STS: variants seen among roughly 807,000 people sequenced by gnomAD.
The protein encoded by STS is steryl-sulfatase.
Under a neutral mutation model 26.8 loss-of-function variants are expected in STS, and 7 were observed. The ratio of observed to expected loss-of-function variants is 0.26; its 90% CI spans 0.15 to 0.49. The LOEUF is 0.49. Ranked by LOEUF, STS falls within the 20% of genes least tolerant of loss-of-function variation. The probability of loss-of-function intolerance (pLI) is 0.98; values close to 1 mark genes in which losing one functional copy is unlikely to be tolerated. For synonymous variants in STS, 199 were observed against 189.4 expected, an observed-to-expected ratio of 1.05 and a Z score of -0.42; for missense variants, 434 against 465.6, an observed-to-expected ratio of 0.93 and a Z score of 0.63.
intron 7 of STS, among the ~76,000 whole-genome samples, chrX:7,288,554 C>T (rs1394266762): frequency 5.4e-5 from 6 of 110,567 alleles, no homozygotes; most frequent in Non-Finnish European, 9.5e-5. Flanking sequence ...TATATGTATA[C>T]ACCCTTTCCC....
In STS at chrX:7,351,564, A is replaced by C. The variant is rs1206735557; in HGVS notation, c.*1303A>C. ...ATGTAAAGTGCAATCATTTCTTCAGATATAAGACTTTCCCCAACAATGTGA... is the reference window on the plus strand; with the variant it reads ...ATGTAAAGTGCAATCATTTCTTCAGCTATAAGACTTTCCCCAACAATGTGA... On this transcript the variant is annotated 3_prime_UTR_variant, in exon 11 of 11. Coordinates refer to ENST00000674429, the MANE Select transcript of STS (RefSeq NM_001320752.2). 2 of 111,868 alleles carry C rather than the reference A, an allele frequency of 1.8e-5. No homozygotes were observed. The highest frequency in any genetic ancestry group is 3.8e-5 in the Non-Finnish European group (2 of 53,176). 9.2% of individuals were successfully genotyped at this position (111,868 alleles called of 1,213,427 possible). A position where few individuals can be genotyped will look rare whatever the true frequency, so the allele number is the denominator to read the frequency against.
At chrX:7,325,297 G>C (rs1569227098) in intron 8 of STS, 42 bp from the exon 9 acceptor site, 3 of 1,199,074 alleles carry the variant, frequency 2.5e-6, no homozygotes, top group Non-Finnish European at 3.4e-6. Flanking sequence ...TGAAAGGATT[G>C]AAATCTCCCT....
intron 6 of STS, among the ~76,000 whole-genome samples, chrX:7,261,090 A>G (rs1326736701): frequency 9.0e-6 from 1 of 111,613 alleles, no homozygotes; most frequent in African/African-American, 3.3e-5. Context: ...TATGTCAAAA[A>G]CACTTGCTAT....
At chrX:7,215,629 G>C (rs1921278790) in intron 2 of STS, among the ~76,000 whole-genome samples, 1 of 111,447 alleles carries the variant, frequency 9.0e-6, no homozygotes, top group African/African-American at 3.3e-5. Context: ...TCCATAGGCT[G>C]TCTTGCCTTT....
At chrX:7,269,076 C>T (rs1486551743) in intron 6 of STS, among the ~76,000 whole-genome samples, 4 of 103,560 alleles carry the variant, frequency 3.9e-5, no homozygotes, top group African/African-American at 3.6e-5. Context: ...TCTTAAGCCC[C>T]GGAGTTGTAG....
Position 7,194,172 on chromosome X carries a change from C to T in STS, c.-5+3164C>T, listed in dbSNP as rs1317033302. Among the ~76,000 whole-genome samples, 3 of 110,958 alleles carry T rather than the reference C, an allele frequency of 2.7e-5. No homozygotes were observed. In the Admixed American group the frequency reaches 2.9e-4, roughly 11 times the overall value. On this transcript the variant is annotated intron_variant, in intron 2 of 10. Coordinates refer to ENST00000674429, the MANE Select transcript of STS (RefSeq NM_001320752.2). ...GCTGGGATTTTTAAGGACAGTTTGGCGGGCAAGAGGCTAGAGAATGGGAAA... is the reference window on the plus strand; with the variant it reads ...GCTGGGATTTTTAAGGACAGTTTGGTGGGCAAGAGGCTAGAGAATGGGAAA...
intron 2 of STS, among the ~76,000 whole-genome samples, chrX:7,239,934 G>T (rs1290696894): frequency 9.5e-6 from 1 of 104,795 alleles, no homozygotes; most frequent in Non-Finnish European, 1.9e-5. Context: ...ACCCAGGCTG[G>T]AGTGTTGTGT....
At chrX:7,154,033 C>T (rs1455347357) in intron 1 of STS, among the ~76,000 whole-genome samples, 1 of 110,580 alleles carries the variant, frequency 9.0e-6, no homozygotes, top group Non-Finnish European at 1.9e-5. Flanking sequence ...TTTCCTCTGG[C>T]GTAGCTCCCT....
In STS at chrX:7,325,446, G is replaced by A; in HGVS notation, c.1189G>A (p.Asp397Asn). ...QKIDEPTSNMDIFPTVAKLAG... is the reference protein window; with the variant it reads ...QKIDEPTSNMNIFPTVAKLAG... The stretch of plus-strand genomic sequence containing the variant: ...GATTGATGAGCCCACTAGCAACATG[G>A]ACATATTTCCTACAGTAGCCAAGCT... The change falls in exon 9 of 11, where the codon GAC (aspartate) becomes AAC (asparagine). Residue 397 changes from aspartate to asparagine, a missense_variant. Asp to Asn is a conservative substitution (Grantham distance 23). Coordinates refer to ENST00000674429, the MANE Select transcript of STS (RefSeq NM_001320752.2). The A allele has an allele frequency of 1.7e-6, 2 of 1,211,483 alleles. No individual in the cohort carries two copies. Among genetic ancestry groups the A allele is most frequent in the Non-Finnish European group, 2.2e-6 (2 of 895,368 alleles).
At chrX:7,221,037 C>T (rs895767447) in intron 2 of STS, among the ~76,000 whole-genome samples, 1 of 112,148 alleles carries the variant, frequency 8.9e-6, no homozygotes, top group African/African-American at 3.2e-5. Flanking sequence ...GTACACCAAA[C>T]TAGTATTAAC....
At chrX:7,151,371 A>C (rs972983264) in intron 1 of STS, among the ~76,000 whole-genome samples, 17 of 111,781 alleles carry the variant, frequency 1.5e-4, no homozygotes, top group African/African-American at 5.5e-4. Context: ...TACACAGTCT[A>C]CTTTTCTTGA....
At chrX:7,164,876 A>G (rs1338084725) in intron 1 of STS, among the ~76,000 whole-genome samples, 1 of 106,780 alleles carries the variant, frequency 9.4e-6, no homozygotes, top group African/African-American at 3.4e-5. Context: ...ACACAAAAAG[A>G]AGAGTCAGGT....
At chrX:7,291,839 A>G (rs1278183656) in intron 7 of STS, among the ~76,000 whole-genome samples, 1 of 112,166 alleles carries the variant, frequency 8.9e-6, no homozygotes, top group African/African-American at 3.2e-5. Context: ...AAAAATGACA[A>G]AATTACAGCA....
At chrX:7,151,824 C>G (rs1933018289) in intron 1 of STS, among the ~76,000 whole-genome samples, 2 of 111,938 alleles carry the variant, frequency 1.8e-5, no homozygotes, top group Non-Finnish European at 3.8e-5. Context: ...CACCCCCAGA[C>G]TGACCAACTC....
rs1383979740 is a variant in STS at position 7,252,003 on chromosome X, G to T, written c.-4-1193G>T. ...AAATAAAATTACTTAATAGAACAAA[G>T]AAATTGTTCAATTTCTTTCACTTTA... On this transcript the variant is annotated intron_variant, in intron 2 of 10. Coordinates refer to ENST00000674429, the MANE Select transcript of STS (RefSeq NM_001320752.2). Among the ~76,000 whole-genome samples the T allele has an allele frequency of 1.8e-5, 2 of 110,541 alleles. 1 individual carries two copies. The highest frequency in any genetic ancestry group is 5.7e-4 in the East Asian group (2 of 3,512).
In STS at chrX:7,298,133, A is replaced by G. The variant is rs529844002; in HGVS notation, c.944-6913A>G. On this transcript the variant is annotated intron_variant, in intron 7 of 10. Transcript: ENST00000674429. ...AAAGGGAAAAGCCATACAAACACCA[A>G]TATTCCCTGCAGTTACATTGAGTAG... Among the ~76,000 whole-genome samples the G allele has an allele frequency of 7.2e-5, 8 of 111,732 alleles. No individual in the cohort carries two copies. In the South Asian group the frequency reaches 3.0e-3, roughly 42 times the overall value.
At chrX:7,208,591 G>C (rs1351757179) in intron 2 of STS, among the ~76,000 whole-genome samples, 1 of 111,512 alleles carries the variant, frequency 9.0e-6, no homozygotes, top group African/African-American at 3.3e-5. Context: ...CTCCTCAGTA[G>C]ATTCAAATAA....
At chrX:7,214,297 T>C (rs766575883) in intron 2 of STS, among the ~76,000 whole-genome samples, 5 of 111,794 alleles carry the variant, frequency 4.5e-5, no homozygotes, top group Non-Finnish European at 7.5e-5. Flanking sequence ...GGCAGCTTTC[T>C]CTATGTCTTC....
intron 3 of STS, among the ~76,000 whole-genome samples, chrX:7,256,778 C>T (rs1923431646): frequency 9.0e-6 from 1 of 111,573 alleles, no homozygotes; most frequent in African/African-American, 3.3e-5. Flanking sequence ...TTGGGGATGT[C>T]CCGCCTGCAT....
Sources: gnomAD v4.1 joint callset for allele counts (sites outside exome capture counted in the v4.1 genomes callset) on GRCh38, gnomAD v4.1.1 for gene constraint, MANE v1.5 for transcripts, NCBI Gene and HGNC (gene_info 2026-07-23, HGNC 2026-07-21) for gene names.